The following SH3D19 variants were observed in gnomAD, a reference collection of about 807,000 sequenced individuals.
SH3D19 encodes the protein SH3 domain-containing protein 19.
Under a neutral mutation model 112.1 loss-of-function variants are expected in SH3D19, and 58 were observed. The observed-to-expected ratio is 0.52, with a 90% confidence interval of 0.42 to 0.64. The LOEUF is 0.64. Ranked by LOEUF, SH3D19 falls within the 30% of genes least tolerant of loss-of-function variation. SH3D19 has a pLI of 0.00. For synonymous variants in SH3D19, 391 were observed against 448.5 expected (o/e 0.87, Z 1.62); for missense variants, 1,090 against 1,263.4 (o/e 0.86, Z 2.08).
intron 9 of SH3D19, among the ~76,000 whole-genome samples, chr4:151,151,282 C>T (rs1755025574): frequency 6.6e-6 from 1 of 152,110 alleles, no homozygotes; most frequent in African/African-American, 2.4e-5. Flanking sequence ...TCTTCTAATT[C>T]TGTGTTTTTT....
chr4:151,279,522 A>G (rs535451411), intron 1 of SH3D19, among the ~76,000 whole-genome samples: 1 of 152,320 alleles, frequency 6.6e-6, no homozygotes, highest in Non-Finnish European at 1.5e-5. Flanking sequence ...GTGAATCTAG[A>G]TATTAGATGT....
At chr4:151,307,185 A>AT (rs1397932729) in intron 1 of SH3D19, among the ~76,000 whole-genome samples, 55 of 147,088 alleles carry the variant, frequency 3.7e-4, no homozygotes, top group Non-Finnish European at 6.2e-4. Flanking sequence ...CGCCCGGCTA[A>AT]TTTTTTTTTT....
intron 1 of SH3D19, chr4:151,282,053 C>A: frequency 1.5e-6 from 2 of 1,298,924 alleles, no homozygotes; most frequent in Non-Finnish European, 2.1e-6. Context: ...AGTTGGCTAC[C>A]CTCCTTTCTT....
chr4:151,260,046 A>G (rs938130466), intron 1 of SH3D19, among the ~76,000 whole-genome samples: 3 of 152,190 alleles, frequency 2.0e-5, no homozygotes, highest in Admixed American at 2.0e-4. Flanking sequence ...TTTTTGAAAG[A>G]AAGTGTGCTT....
intron 2 of SH3D19, among the ~76,000 whole-genome samples, chr4:151,199,018 CT>C (rs5862951): frequency 0.72 from 86,118 of 119,384 alleles, 30,084 homozygotes; most frequent in East Asian, 0.85. Context: ...CAGCTAACAT[CT>C]TTTTTTTTTT....
intron 3 of SH3D19, among the ~76,000 whole-genome samples, chr4:151,183,733 A>G (rs1409774940): frequency 1.3e-5 from 2 of 152,262 alleles, no homozygotes; most frequent in Non-Finnish European, 2.9e-5. Flanking sequence ...TGAAAGATCA[A>G]TGAAAATCAC....
chr4:151,214,198 T>A (rs1717362202), intron 2 of SH3D19, among the ~76,000 whole-genome samples: 2 of 151,878 alleles, frequency 1.3e-5, no homozygotes, highest in South Asian at 4.2e-4. Context: ...AGGTCACAGA[T>A]CAACAGGATC....
chr4:151,218,447 G>T (rs544966629), intron 2 of SH3D19, among the ~76,000 whole-genome samples: 20 of 151,612 alleles, frequency 1.3e-4, no homozygotes, highest in African/African-American at 4.1e-4. Context: ...AAGAGACAGG[G>T]TCTCACTCTG....
chr4:151,288,577 T>C (rs924727825), intron 1 of SH3D19, among the ~76,000 whole-genome samples: 1 of 151,812 alleles, frequency 6.6e-6, no homozygotes, highest in Non-Finnish European at 1.5e-5. Flanking sequence ...TGAAACCTCG[T>C]CTCTACTAAA....
At chr4:151,255,439 C>CTTCCT (rs902232636) in intron 1 of SH3D19, among the ~76,000 whole-genome samples, 3 of 151,826 alleles carry the variant, frequency 2.0e-5, no homozygotes, top group African/African-American at 7.3e-5. Flanking sequence ...GGCGGCCGGG[C>CTTCCT]AGAGACGCTC....
chr4:151,198,683 C>A (rs1048386165), intron 2 of SH3D19, among the ~76,000 whole-genome samples: 1 of 151,406 alleles, frequency 6.6e-6, no homozygotes, highest in Admixed American at 6.6e-5. Flanking sequence ...AATGAAGCAA[C>A]AAATATATAC....
intron 1 of SH3D19, among the ~76,000 whole-genome samples, chr4:151,272,797 G>C (rs1204179928): frequency 6.7e-6 from 1 of 149,224 alleles, no homozygotes; most frequent in African/African-American, 2.5e-5. Context: ...CTTCATAGGG[G>C]GTAACATCAG....
At chr4:151,189,651 C>T (rs917486846) in intron 2 of SH3D19, among the ~76,000 whole-genome samples, 2 of 152,144 alleles carry the variant, frequency 1.3e-5, no homozygotes, top group Non-Finnish European at 2.9e-5. Flanking sequence ...TGTCTGCCGC[C>T]TTGTGAGATG....
intron 1 of SH3D19, among the ~76,000 whole-genome samples, chr4:151,271,185 C>G (rs1773199925): frequency 6.6e-6 from 1 of 152,166 alleles, no homozygotes; most frequent in African/African-American, 2.4e-5. Context: ...TTTGACCCCC[C>G]AAAGGCCTAG....
intron 1 of SH3D19, among the ~76,000 whole-genome samples, chr4:151,290,226 C>T (rs1186095962): frequency 6.6e-6 from 1 of 152,128 alleles, no homozygotes. Context: ...ATTACAGACA[C>T]GAACCATCAT....
At position 151,268,034 on chromosome 4, in the gene SH3D19, G is replaced by A. The variant is rs139607572; in HGVS notation, c.113-41948C>T. Among the ~76,000 whole-genome samples the A allele has an allele frequency of 9.1e-4, 139 of 152,294 alleles. 2 individuals are homozygous for A. In the South Asian group the frequency reaches 0.011, roughly 12 times the overall value. Reference sequence around the variant, plus strand: ...TTGCTTAATGATGGAGATCCGTCCTGAGAAATGTGTCATTAGGTGATTTCG... The same window carrying A: ...TTGCTTAATGATGGAGATCCGTCCTAAGAAATGTGTCATTAGGTGATTTCG... On this transcript the variant is annotated intron_variant, in intron 1 of 19. Coordinates refer to ENST00000604030, the MANE Select transcript of SH3D19 (RefSeq NM_001378122.1).
intron 12 of SH3D19, among the ~76,000 whole-genome samples, chr4:151,142,848 C>T (rs545093715): frequency 1.3e-5 from 2 of 152,262 alleles, no homozygotes; most frequent in South Asian, 4.2e-4. Flanking sequence ...TTCATTATCA[C>T]CAATAGCTGC....
intron 1 of SH3D19, among the ~76,000 whole-genome samples, chr4:151,303,227 T>C (rs1728623665): frequency 6.6e-6 from 1 of 152,198 alleles, no homozygotes; most frequent in Non-Finnish European, 1.5e-5. Context: ...AAGAAGTAAA[T>C]GTCATGAGAC....
chr4:151,145,613 A>G (rs931531766), intron 11 of SH3D19, among the ~76,000 whole-genome samples: 11 of 152,210 alleles, frequency 7.2e-5, no homozygotes, highest in Non-Finnish European at 1.6e-4. Flanking sequence ...TGAAATAAAC[A>G]GCCTTGTTGC....
Sources: gnomAD v4.1 joint callset for allele counts (sites outside exome capture counted in the v4.1 genomes callset) on GRCh38, gnomAD v4.1.1 for gene constraint, MANE v1.5 for transcripts, NCBI Gene and HGNC (gene_info 2026-07-23, HGNC 2026-07-21) for gene names.